The following CHD6 variants were observed in gnomAD, a reference collection of about 807,000 sequenced individuals.
CHD6 encodes ATP-dependent chromatin remodeler CHD6.
CHD6 carries 50 observed loss-of-function variants against 276.9 expected under a neutral mutation model. The observed-to-expected ratio is 0.18, with a 90% CI of 0.14 to 0.23. The LOEUF (loss-of-function observed/expected upper bound fraction) is 0.23, where lower values mean the gene tolerates loss of function less well. Ranked by LOEUF, CHD6 falls within the 10% of genes least tolerant of loss-of-function variation. CHD6 has a pLI of 1.00. For synonymous variants in CHD6, 1,173 were observed against 1,229.3 expected, an observed-to-expected ratio of 0.95 and a Z score of 0.96; for missense variants, 2,564 against 3,365.8, an observed-to-expected ratio of 0.76 and a Z score of 5.89.
intron 1 of CHD6, among the ~76,000 whole-genome samples, chr20:41,591,338 T>C (rs1371555862): frequency 2.6e-5 from 4 of 151,158 alleles, no homozygotes; most frequent in Non-Finnish European, 4.4e-5. Context: ...TGTGCACATG[T>C]ACCCTAGAAC....
chr20:41,414,757 G>C, intron 34 of CHD6: 1 of 943,224 alleles, frequency 1.1e-6, no homozygotes, highest in Non-Finnish European at 1.3e-6. Flanking sequence ...ATATCACCCA[G>C]TAAGTCAAGC....
At chr20:41,555,426 C>A (rs1479881662) in intron 1 of CHD6, among the ~76,000 whole-genome samples, 1 of 150,866 alleles carries the variant, frequency 6.6e-6, no homozygotes, top group Non-Finnish European at 1.5e-5. Context: ...CCCCACCTCC[C>A]TCCCGGACGG....
In CHD6 at chr20:41,421,626, T is replaced by A; in HGVS notation, c.5009A>T (p.Asp1670Val). The A allele has an allele frequency of 1.9e-6, 3 of 1,613,982 alleles. No individual in the cohort carries two copies. Among genetic ancestry groups the A allele is most frequent in the Non-Finnish European group, 2.5e-6 (3 of 1,179,932 alleles). ...TGTCACATCAGGCAGGCTGAGATGA[T>A]CATCTCTGCTTTCTACTCTCACTAG... The part of the protein sequence containing the change: ...ENLVRVESRD[D>V]HLSLPDVTCE... Residue 1670 changes from aspartate (D) to valine (V), a missense_variant, in exon 31 of 37, where the codon GAT becomes GTT. By Grantham distance (152) the Asp-to-Val change is radical. Around this residue, in one of 7 missense-constraint regions of CHD6, gnomAD observed 1,024 missense variants for 1,047.9 expected, o/e 0.98. Coordinates refer to ENST00000373233, the MANE Select transcript of CHD6 (RefSeq NM_032221.5).
At chr20:41,458,128 T>C (rs934840111) in intron 17 of CHD6, among the ~76,000 whole-genome samples, 2 of 152,216 alleles carry the variant, frequency 1.3e-5, no homozygotes, top group Non-Finnish European at 2.9e-5. Context: ...GCTTAAGATT[T>C]GAGCATCTGA....
At chr20:41,541,946 T>C (rs979526182) in intron 2 of CHD6, among the ~76,000 whole-genome samples, 18 of 152,216 alleles carry the variant, frequency 1.2e-4, no homozygotes, top group Admixed American at 3.3e-4. Context: ...GTCAACCTAA[T>C]TCTTGTTAAC....
chr20:41,537,250 G>T (rs1329862684), intron 2 of CHD6, among the ~76,000 whole-genome samples: 1 of 152,064 alleles, frequency 6.6e-6, no homozygotes, highest in Non-Finnish European at 1.5e-5. Flanking sequence ...CATGGGTTCT[G>T]CATCTATGGA....
Position 41,415,556 on chromosome 20 carries a change from T to A in CHD6, c.6569A>T (p.Lys2190Met). 2 of 1,614,088 alleles carry A rather than the reference T, an allele frequency of 1.2e-6. No individual in the cohort carries two copies. Among genetic ancestry groups the A allele is most frequent in the Non-Finnish European group, 1.7e-6 (2 of 1,180,008 alleles). Residue 2190 changes from lysine to methionine, a missense_variant, in exon 34 of 37, where the codon AAG (lysine) becomes ATG (methionine). This residue lies in a region of CHD6 where 1,024 missense variants were observed against 1,047.9 expected (regional missense o/e 0.98). Coordinates refer to ENST00000373233, the MANE Select transcript of CHD6 (RefSeq NM_032221.5). ...AGAGAACTGCTCCAGGCCCCGAGCC[T>A]TTGCATCCCTCTCCACCTCAAACTC... ...PYEFEVERDA[K>M]ARGLEQFSAT...
At chr20:41,430,382 C>T (rs1316858111) in intron 27 of CHD6, among the ~76,000 whole-genome samples, 1 of 152,182 alleles carries the variant, frequency 6.6e-6, no homozygotes, top group African/African-American at 2.4e-5. Context: ...TGCCATGGCC[C>T]TCCAGTGTCC....
intron 1 of CHD6, among the ~76,000 whole-genome samples, chr20:41,588,636 T>G (rs1168947475): frequency 6.6e-6 from 1 of 152,070 alleles, no homozygotes; most frequent in Non-Finnish European, 1.5e-5. Context: ...TGATTCAGTC[T>G]CCTACACTAC....
intron 16 of CHD6, among the ~76,000 whole-genome samples, chr20:41,478,081 A>C (rs1289768972): frequency 6.6e-6 from 1 of 152,200 alleles, no homozygotes; most frequent in Non-Finnish European, 1.5e-5. Flanking sequence ...GAGTAAGAGG[A>C]ACAGGACCTC....
rs146940520 is a variant in CHD6, at chr20:41,607,846, T to A, written c.-24+10494A>T. On this transcript the variant is annotated intron_variant, in intron 1 of 36. Coordinates refer to ENST00000373233, the MANE Select transcript of CHD6 (RefSeq NM_032221.5). The stretch of plus-strand genomic sequence containing the variant: ...TTACTTGCTTACACTATGTAATCAT[T>A]ACATATTTCTTTAAAAAGAAAAGGT... Among the ~76,000 whole-genome samples, 82 of 151,962 alleles carry A rather than the reference T, an allele frequency of 5.4e-4. No individual in the cohort carries two copies. In the East Asian group the frequency reaches 0.013, roughly 24 times the overall value.
chr20:41,438,565 G>T (rs1008853199), intron 26 of CHD6, among the ~76,000 whole-genome samples: 2 of 152,042 alleles, frequency 1.3e-5, no homozygotes, highest in African/African-American at 4.8e-5. Flanking sequence ...ACTCCAGCCC[G>T]GGTGAAAGAG....
chr20:41,504,077 C>CAAAAAAAAAAAAAAAAAAAAAAAAAAAAA (rs1189323419), intron 5 of CHD6, among the ~76,000 whole-genome samples: 8 of 27,094 alleles, frequency 3.0e-4, no homozygotes, highest in Non-Finnish European at 2.8e-4. Context: ...GACTCTGTCT[C>CAAAAAAAAAAAAAAAAAAAAAAAAAAAAA]AAAAAAAAAA....
intron 36 of CHD6, among the ~76,000 whole-genome samples, chr20:41,406,197 C>G (rs1211066510): frequency 1.3e-5 from 2 of 152,204 alleles, no homozygotes; most frequent in Non-Finnish European, 2.9e-5. Flanking sequence ...AAATGAAGGA[C>G]TTCTTGAACA....
At chr20:41,509,813 G>A (rs1166826266) in intron 5 of CHD6, among the ~76,000 whole-genome samples, 1 of 152,188 alleles carries the variant, frequency 6.6e-6, no homozygotes, top group Non-Finnish European at 1.5e-5. Context: ...TCACATTTAG[G>A]ATGGAAACTT....
intron 1 of CHD6, among the ~76,000 whole-genome samples, chr20:41,589,783 G>T (rs1420687896): frequency 2.0e-5 from 3 of 152,150 alleles, no homozygotes; most frequent in African/African-American, 7.2e-5. Context: ...CGTGAAAATG[G>T]CCATACTGCC....
In CHD6 at chr20:41,420,915, C is replaced by G. The variant is rs2047167827; in HGVS notation, c.5720G>C (p.Gly1907Ala). 5 of 1,614,168 alleles carry G rather than the reference C, an allele frequency of 3.1e-6. No homozygotes were observed. The highest frequency in any genetic ancestry group is 4.2e-6 in the Non-Finnish European group (5 of 1,180,028). Residue 1907 changes from glycine to alanine, a missense_variant, in exon 31 of 37, where the codon GGC becomes GCC. By Grantham distance (60) the Gly-to-Ala change is moderately conservative (BLOSUM62 0). Transcript: ENST00000373233. ...TTNISREKNQGFQDETKKGSL... is the reference protein window; with the variant it reads ...TTNISREKNQAFQDETKKGSL... ...TCCTTTCTTGGTTTCATCTTGGAAG[C>G]CTTGGTTCTTTTCCCTTGAGATGTT...
intron 2 of CHD6, among the ~76,000 whole-genome samples, chr20:41,550,996 C>T (rs1432511775): frequency 2.0e-5 from 3 of 152,328 alleles, no homozygotes; most frequent in Non-Finnish European, 2.9e-5. Context: ...GAATTGGTCA[C>T]ATCTCTCTTT....
intron 24 of CHD6, among the ~76,000 whole-genome samples, chr20:41,446,536 A>C (rs982042774): frequency 2.0e-5 from 3 of 152,170 alleles, no homozygotes; most frequent in African/African-American, 7.2e-5. Flanking sequence ...GGTTTAGGGA[A>C]TAGCATGCAT....
Sources: allele counts gnomAD v4.1 joint callset (sites outside exome capture counted in the v4.1 genomes callset), GRCh38; gene constraint gnomAD v4.1.1; regional missense constraint gnomAD v4.1.1; transcripts MANE v1.5; gene names NCBI Gene and HGNC (gene_info 2026-07-23, HGNC 2026-07-21).